STAB2: variants seen among roughly 807,000 people sequenced by gnomAD.
The protein encoded by STAB2 is stabilin 2.
In STAB2, 288 loss-of-function variants were observed where a neutral mutation model predicts 338.1. The observed-to-expected ratio is 0.85, with a 90% confidence interval of 0.77 to 0.94. The LOEUF is 0.94. Ranked by LOEUF, STAB2 falls within the 40% of genes least tolerant of loss-of-function variation. The probability of loss-of-function intolerance (pLI) is 0.00; values close to 1 mark genes in which losing one functional copy is unlikely to be tolerated. For missense variants in STAB2, 3,141 were observed against 3,210.1 expected, an observed-to-expected ratio of 0.98 and a Z score of 0.52; for synonymous variants, 1,202 against 1,193.3, an observed-to-expected ratio of 1.01 and a Z score of -0.15.
chr12:103,588,810 C>T (rs1012600176), intron 1 of STAB2, among the ~76,000 whole-genome samples: 3 of 152,124 alleles, frequency 2.0e-5, no homozygotes, highest in African/African-American at 7.2e-5. Flanking sequence ...GTGAAGGTGT[C>T]CTGACAATTA....
chr12:103,668,319 C>T (rs901502035), intron 19 of STAB2, among the ~76,000 whole-genome samples: 22 of 152,244 alleles, frequency 1.4e-4, no homozygotes, highest in African/African-American at 4.3e-4. Flanking sequence ...GGCTATAGAT[C>T]GGAAGGGGAG....
chr12:103,704,130 T>C (rs1310372548), intron 35 of STAB2, among the ~76,000 whole-genome samples: 1 of 152,256 alleles, frequency 6.6e-6, no homozygotes, highest in Non-Finnish European at 1.5e-5. Flanking sequence ...TCTGTCATTG[T>C]GAACTTTTAC....
intron 47 of STAB2, among the ~76,000 whole-genome samples, chr12:103,727,999 C>T (rs1409564616): frequency 6.6e-6 from 1 of 152,130 alleles, no homozygotes; most frequent in Non-Finnish European, 1.5e-5. Flanking sequence ...CCAGCCTCTC[C>T]ATGCCTGTAT....
intron 68 of STAB2, among the ~76,000 whole-genome samples, chr12:103,764,981 G>C: frequency 6.6e-6 from 1 of 151,366 alleles, no homozygotes; most frequent in East Asian, 1.9e-4. Flanking sequence ...CCAGCTACAC[G>C]GGAGGCTGAG....
At chr12:103,717,862 G>A in intron 44 of STAB2, 21 bp downstream of exon 44, 1 of 1,613,618 alleles carries the variant, frequency 6.2e-7, no homozygotes, top group Non-Finnish European at 8.5e-7. Context: ...CTCTAGGGTG[G>A]ATATCCTTCA....
chr12:103,700,194 A>G (rs1345039104), intron 34 of STAB2, among the ~76,000 whole-genome samples: 4 of 152,380 alleles, frequency 2.6e-5, no homozygotes, highest in East Asian at 1.9e-4. Flanking sequence ...ATAAAATTCT[A>G]TTCACATATT....
Position 103,685,069 on chromosome 12 carries a change from T to C in STAB2, c.2982T>C (p.Tyr994=). The C allele has an allele frequency of 1.2e-6, 2 of 1,613,958 alleles. No homozygotes were observed. The highest frequency in any genetic ancestry group is 1.7e-6 in the Non-Finnish European group (2 of 1,179,862). Residue 994 remains tyrosine (Y), a synonymous_variant, in exon 27 of 69, where the codon TAT becomes TAC. Coordinates refer to ENST00000388887, the MANE Select transcript of STAB2 (RefSeq NM_017564.10). Reference sequence around the variant, plus strand: ...ATGAAGGAGATGGCTTTCTGTGCTATGGAAACGCAGCAGTGGTAAGTCATC... The same window carrying C: ...ATGAAGGAGATGGCTTTCTGTGCTACGGAAACGCAGCAGTGGTAAGTCATC... ...EGYEGDGFLC[Y]GNAAVELSFL...
intron 31 of STAB2, 25 bp downstream of exon 31, chr12:103,692,914 G>T (rs111618808): frequency 1.4e-5 from 23 of 1,588,130 alleles, no homozygotes; most frequent in Non-Finnish European, 1.8e-5. Context: ...TCTCCTGTGC[G>T]TGCAGCATCT....
chr12:103,587,817 G>A (rs1956735614), intron 1 of STAB2, among the ~76,000 whole-genome samples: 1 of 152,186 alleles, frequency 6.6e-6, no homozygotes, highest in East Asian at 1.9e-4. Flanking sequence ...TCTTTCCAGT[G>A]CAGCTGTTGG....
At chr12:103,755,156 C>T (rs1326374917) in intron 61 of STAB2, 146 bp from the exon 62 acceptor site, 1 of 1,107,322 alleles carries the variant, frequency 9.0e-7, no homozygotes, top group South Asian at 1.4e-5. Flanking sequence ...CTAATGACCA[C>T]CTACTGTGTG....
chr12:103,758,414 A>C, intron 64 of STAB2, 125 bp downstream of exon 64: 1 of 1,479,426 alleles, frequency 6.8e-7, no homozygotes. Context: ...GATCATCTGC[A>C]GATCAGTTGG....
rs576113280 is a variant in STAB2 at position 103,591,392 on chromosome 12, C to G, written c.215+362C>G. Among the ~76,000 whole-genome samples, 16 of 151,940 alleles carry G rather than the reference C, an allele frequency of 1.1e-4. No homozygotes were observed. The South Asian group carries it at 3.1e-3, about 30-fold the overall frequency. ...CCCAGCTACTCAGGAGCTTGAGGCA[C>G]GAGAATCGCTTGAACCCAGGAGGAG... On this transcript the variant is annotated intron_variant, in intron 2 of 68. Coordinates refer to ENST00000388887, the MANE Select transcript of STAB2 (RefSeq NM_017564.10).
chr12:103,730,167 A>G lies in STAB2; in HGVS notation c.5134A>G (p.Ser1712Gly). 1 of 1,613,188 alleles carries G rather than the reference A, an allele frequency of 6.2e-7. No homozygotes were observed. The highest frequency in any genetic ancestry group is 8.5e-7 in the Non-Finnish European group (1 of 1,179,584). ...KAKIISSDIISTNGIVHIIDK... is the reference protein window; with the variant it reads ...KAKIISSDIIGTNGIVHIIDK... Reference sequence around the variant, plus strand: ...TAAGATCATATCCAGTGATATCATCAGTACTAATGGGATTGTTCATATCAT... The same window carrying G: ...TAAGATCATATCCAGTGATATCATCGGTACTAATGGGATTGTTCATATCAT... Residue 1712 changes from serine to glycine, a missense_variant, in exon 49 of 69, where the codon AGT becomes GGT. Ser to Gly is a moderately conservative substitution (Grantham distance 56). Transcript: ENST00000388887.
At chr12:103,746,563 G>A (rs1566070642) in intron 57 of STAB2, 34 bp from the exon 58 acceptor site, 1 of 1,601,620 alleles carries the variant, frequency 6.2e-7, no homozygotes, top group South Asian at 1.1e-5. Flanking sequence ...TTCACACCAT[G>A]GGTACAGAAT....
chr12:103,626,017 C>A (rs1957375782), intron 5 of STAB2, among the ~76,000 whole-genome samples: 1 of 151,812 alleles, frequency 6.6e-6, no homozygotes, highest in African/African-American at 2.4e-5. Context: ...CTCTCCAGCA[C>A]CTGTTGTTTC....
chr12:103,623,584 C>G (rs73394074), intron 5 of STAB2, among the ~76,000 whole-genome samples: 5,604 of 152,090 alleles, frequency 0.037, 333 homozygotes, highest in African/African-American at 0.13. Context: ...GGTGGCCTCT[C>G]GAGGCTGGAA....
At chr12:103,601,975 A>G (rs1339790857) in intron 3 of STAB2, among the ~76,000 whole-genome samples, 1 of 152,204 alleles carries the variant, frequency 6.6e-6, no homozygotes, top group Admixed American at 6.5e-5. Flanking sequence ...TTTAAAATTT[A>G]TTATCATGAT....
At chr12:103,637,294 G>A in intron 7 of STAB2, 58 bp downstream of exon 7, 5 of 1,559,154 alleles carry the variant, frequency 3.2e-6, no homozygotes, top group South Asian at 2.5e-5. Context: ...TTATTTAACA[G>A]GAAAAAAAAA....
At chr12:103,661,515 A>T (rs1043287447) in intron 17 of STAB2, among the ~76,000 whole-genome samples, 1 of 152,254 alleles carries the variant, frequency 6.6e-6, no homozygotes, top group South Asian at 2.1e-4. Context: ...TGGAAATTTC[A>T]TTCTAGTAAA....
Sources: allele counts gnomAD v4.1 joint callset (sites outside exome capture counted in the v4.1 genomes callset), GRCh38; gene constraint gnomAD v4.1.1; transcripts MANE v1.5; gene names NCBI Gene and HGNC (gene_info 2026-07-23, HGNC 2026-07-21).